WWTR1: variants seen among roughly 807,000 people sequenced by gnomAD.
WWTR1 encodes the protein WW domain containing transcription regulator 1, also known as WW domain-containing transcription regulator protein 1.
A neutral mutation model predicts 40.1 loss-of-function variants in WWTR1; 13 were observed. The ratio of observed to expected loss-of-function variants is 0.32; its 90% CI spans 0.21 to 0.52. WWTR1 has a LOEUF of 0.52. Ranked by LOEUF, WWTR1 falls within the 20% of genes least tolerant of loss-of-function variation. The pLI, the probability that WWTR1 is intolerant of heterozygous loss-of-function variation, is 0.97. For missense variants in WWTR1, 436 were observed against 523.1 expected (o/e 0.83, Z 1.63); for synonymous variants, 230 against 210.1 (o/e 1.09, Z -0.82).
chr3:149,523,042 G>A (rs1735134096), intron 6 of WWTR1, among the ~76,000 whole-genome samples: 1 of 149,886 alleles, frequency 6.7e-6, no homozygotes, highest in African/African-American at 2.5e-5. Flanking sequence ...CTCCAGCCTG[G>A]GTGACAGAAT....
At chr3:149,613,371 T>G (rs1161115365) in intron 2 of WWTR1, among the ~76,000 whole-genome samples, 2 of 152,110 alleles carry the variant, frequency 1.3e-5, no homozygotes, top group Non-Finnish European at 2.9e-5. Flanking sequence ...GTAATGAGAA[T>G]GCAGAGGCAA....
rs937689893 is a variant in WWTR1 at position 149,519,590 on chromosome 3, T to G, written c.*1215A>C. The G allele has an allele frequency of 6.6e-6, 1 of 152,238 alleles. No individual in the cohort carries two copies. The highest frequency in any genetic ancestry group is 1.5e-5 in the Non-Finnish European group (1 of 68,046). 9.4% of individuals were successfully genotyped at this position (152,238 alleles called of 1,614,324 possible). On this transcript the variant is annotated 3_prime_UTR_variant, in exon 7 of 7. Coordinates refer to ENST00000360632, the MANE Select transcript of WWTR1 (RefSeq NM_015472.6). ...AGACAAAAATACAGTTGCCACTGATTTATCAAAAACATTTGGCTGCCTTTT... is the reference window on the plus strand; with the variant it reads ...AGACAAAAATACAGTTGCCACTGATGTATCAAAAACATTTGGCTGCCTTTT...
At chr3:149,562,648 A>G (rs7623720) in intron 3 of WWTR1, among the ~76,000 whole-genome samples, 40,681 of 134,924 alleles carry the variant, frequency 0.3, 6,465 homozygotes, top group East Asian at 0.63. Context: ...CACACACACA[A>G]AGGGGGAGGG....
At chr3:149,690,224 T>C (rs140101481) in intron 1 of WWTR1, among the ~76,000 whole-genome samples, 1,597 of 151,712 alleles carry the variant, frequency 0.011, 30 homozygotes, top group African/African-American at 0.036. Context: ...GGAAGGGAGA[T>C]AAAACCAAAA....
At chr3:149,560,571 T>C (rs561489959) in intron 3 of WWTR1, among the ~76,000 whole-genome samples, 1 of 152,346 alleles carries the variant, frequency 6.6e-6, no homozygotes, top group Admixed American at 6.5e-5. Flanking sequence ...AATATTTTTC[T>C]TGACATTTGA....
chr3:149,582,675 A>G (rs990474513), intron 2 of WWTR1, among the ~76,000 whole-genome samples: 2 of 152,110 alleles, frequency 1.3e-5, no homozygotes, highest in Non-Finnish European at 1.5e-5. Context: ...GGCTGCAGTG[A>G]GCCGTGATCA....
Position 149,595,836 on chromosome 3 carries a change from A to G in WWTR1, c.432-22836T>C, listed in dbSNP as rs542821901. Among the ~76,000 whole-genome samples the G allele has an allele frequency of 1.2e-4, 19 of 152,314 alleles. No homozygotes were observed. In the South Asian group the frequency reaches 3.9e-3, roughly 32 times the overall value. On this transcript the variant is annotated intron_variant, in intron 2 of 6. Coordinates refer to ENST00000360632, the MANE Select transcript of WWTR1 (RefSeq NM_015472.6). ...CACCTGAAGTCAGGAGCTCGAGACC[A>G]GCCTGTCTAACATGGTGAAACCCCA...
chr3:149,601,655 A>C (rs1226470990), intron 2 of WWTR1, among the ~76,000 whole-genome samples: 1 of 152,182 alleles, frequency 6.6e-6, no homozygotes, highest in Non-Finnish European at 1.5e-5. Flanking sequence ...CCAATTCTTC[A>C]ACATGTAAAG....
At chr3:149,540,274 T>C in intron 4 of WWTR1, 1 of 456,708 alleles carries the variant, frequency 2.2e-6, no homozygotes, top group Non-Finnish European at 4.4e-6. Context: ...TTTAAGGAAC[T>C]TGGTTGGCAT....
intron 2 of WWTR1, among the ~76,000 whole-genome samples, chr3:149,577,957 C>T (rs1262243134): frequency 6.6e-6 from 1 of 152,012 alleles, no homozygotes; most frequent in Non-Finnish European, 1.5e-5. Flanking sequence ...GCAATGGCCT[C>T]TGGGCTTCCC....
At chr3:149,605,521 G>A (rs547850494) in intron 2 of WWTR1, among the ~76,000 whole-genome samples, 3 of 152,264 alleles carry the variant, frequency 2.0e-5, no homozygotes, top group African/African-American at 2.4e-5. Context: ...CCATAACAAC[G>A]GAGAAGGAGC....
chr3:149,718,792 T>G (rs903565926), intron 4 of WWTR1, among the ~76,000 whole-genome samples: 1 of 152,052 alleles, frequency 6.6e-6, no homozygotes, highest in African/African-American at 2.4e-5. Context: ...TCATCCATGT[T>G]GTAGCATGCC....
intron 2 of WWTR1, among the ~76,000 whole-genome samples, chr3:149,645,798 T>A (rs753065548): frequency 3.9e-5 from 6 of 152,048 alleles, no homozygotes; most frequent in Admixed American, 6.6e-5. Context: ...AATGAATATT[T>A]TTTTTTTAAA....
chr3:149,524,155 G>A (rs1029865956), intron 6 of WWTR1, among the ~76,000 whole-genome samples: 4 of 152,158 alleles, frequency 2.6e-5, no homozygotes, highest in Admixed American at 6.5e-5. Context: ...ACCCAAAGGC[G>A]CTACTAGGAA....
chr3:149,542,361 T>C lies in WWTR1; in HGVS notation c.745A>G (p.Met249Val), dbSNP rs776629084. 14 of 1,613,828 alleles carry C rather than the reference T, an allele frequency of 8.7e-6. No homozygotes were observed. Among genetic ancestry groups the C allele is most frequent in the Non-Finnish European group, 1.2e-5 (14 of 1,179,936 alleles). Residue 249 changes from methionine (M) to valine (V), a missense_variant, in exon 4 of 7, where the codon ATG (methionine) becomes GTG (valine). Coordinates refer to ENST00000360632, the MANE Select transcript of WWTR1 (RefSeq NM_015472.6). ...RIQMERERIRMRQEELMRQEA... is the reference protein window; with the variant it reads ...RIQMERERIRVRQEELMRQEA... ...TGCCTCATGAGCTCCTCTTGGCGCA[T>C]TCGAATCCTTTCTCTCTCCATCTGG...
chr3:149,599,126 T>C (rs1439730703), intron 2 of WWTR1, among the ~76,000 whole-genome samples: 1 of 152,206 alleles, frequency 6.6e-6, no homozygotes, highest in Non-Finnish European at 1.5e-5. Context: ...GCACCTTGGT[T>C]AGAAAGTATC....
intron 2 of WWTR1, chr3:149,576,178 A>T (rs966073343): frequency 9.0e-6 from 4 of 446,922 alleles, no homozygotes; most frequent in African/African-American, 8.0e-5. Context: ...CTGCGCTAAC[A>T]TGGTGTCAAG....
intron 2 of WWTR1, among the ~76,000 whole-genome samples, chr3:149,625,789 T>TAA (rs79242325): frequency 3.1e-5 from 4 of 128,642 alleles, no homozygotes; most frequent in South Asian, 2.4e-4. Flanking sequence ...AGATTCCAAA[T>TAA]AAAAAAAAAA....
intron 2 of WWTR1, among the ~76,000 whole-genome samples, chr3:149,631,918 CTTTA>C (rs533452111): frequency 1.7e-3 from 263 of 152,192 alleles, no homozygotes; most frequent in South Asian, 0.011. Flanking sequence ...ACTTTAAGCA[CTTTA>C]TTTATTTATT....
Sources: gnomAD v4.1 joint callset for allele counts (sites outside exome capture counted in the v4.1 genomes callset) on GRCh38, gnomAD v4.1.1 for gene constraint, MANE v1.5 for transcripts, NCBI Gene and HGNC (gene_info 2026-07-23, HGNC 2026-07-21) for gene names.